The following UBE2R2 variants were observed in gnomAD, a reference collection of about 807,000 sequenced individuals.
UBE2R2 encodes the protein ubiquitin conjugating enzyme E2 R2.
Under a neutral mutation model 27.8 loss-of-function variants are expected in UBE2R2, and 1 was observed. The ratio of observed to expected loss-of-function variants is 0.04; its 90% CI spans 0.01 to 0.17. The LOEUF (loss-of-function observed/expected upper bound fraction) is 0.17. Among genes scored for constraint, UBE2R2 ranks in the 10% least tolerant of loss-of-function variants. The probability of loss-of-function intolerance (pLI) is 1.00; values close to 1 mark genes in which losing one functional copy is unlikely to be tolerated. For synonymous variants in UBE2R2, 106 were observed against 113.3 expected (o/e 0.94, Z 0.41); for missense variants, 100 against 291.0 (o/e 0.34, Z 4.78).
chr9:33,873,348 A>G (rs1347747848), intron 1 of UBE2R2, among the ~76,000 whole-genome samples: 2 of 152,128 alleles, frequency 1.3e-5, no homozygotes, highest in African/African-American at 2.4e-5. Flanking sequence ...TTAGGGCTGG[A>G]CAGCCAACTG....
In UBE2R2 at chr9:33,817,566, G is replaced by A; in HGVS notation, c.-192G>A. The A allele has an allele frequency of 2.2e-6, 1 of 447,026 alleles. No individual in the cohort carries two copies. 27.7% of individuals were successfully genotyped at this position (447,026 alleles called of 1,614,324 possible). ...AGGAGAAGGGCCCGGCCCGGCCTGC[G>A]TCGTGTGTGAGGAGGACCCCGGGCG... On this transcript the variant is annotated 5_prime_UTR_variant, in exon 1 of 5. Coordinates refer to ENST00000263228, the MANE Select transcript of UBE2R2 (RefSeq NM_017811.4).
At chr9:33,883,511 C>T (rs570764089) in intron 1 of UBE2R2, among the ~76,000 whole-genome samples, 1 of 151,314 alleles carries the variant, frequency 6.6e-6, no homozygotes, top group South Asian at 2.1e-4. Flanking sequence ...GTCAAGAGAT[C>T]AACGCCATCC....
intron 1 of UBE2R2, among the ~76,000 whole-genome samples, chr9:33,857,948 T>G (rs1240513872): frequency 1.3e-5 from 2 of 152,236 alleles, no homozygotes. Context: ...GAATATGTTC[T>G]TTCATTTATT....
chr9:33,833,001 CAG>C (rs1820528153), intron 1 of UBE2R2, among the ~76,000 whole-genome samples: 2 of 151,824 alleles, frequency 1.3e-5, no homozygotes, highest in South Asian at 2.1e-4. Flanking sequence ...TCTGAGGACT[CAG>C]AGTTATTATT....
At chr9:33,826,465 G>A (rs745779672) in intron 1 of UBE2R2, among the ~76,000 whole-genome samples, 20 of 152,006 alleles carry the variant, frequency 1.3e-4, no homozygotes, top group African/African-American at 4.6e-4. Flanking sequence ...TTGGGAGGCC[G>A]AGGCAGGCGG....
intron 3 of UBE2R2, among the ~76,000 whole-genome samples, chr9:33,902,805 A>C (rs1402833757): frequency 1.3e-5 from 2 of 152,218 alleles, no homozygotes; most frequent in Non-Finnish European, 2.9e-5. Context: ...AGTATTAAAA[A>C]TTCTGAGTTG....
chr9:33,880,125 A>G (rs891754637), intron 1 of UBE2R2, among the ~76,000 whole-genome samples: 1 of 151,930 alleles, frequency 6.6e-6, no homozygotes, highest in Non-Finnish European at 1.5e-5. Flanking sequence ...CGCTCAAGGA[A>G]TCCACCCGCC....
chr9:33,868,825 CA>C (rs1462316472), intron 1 of UBE2R2, among the ~76,000 whole-genome samples: 5 of 152,146 alleles, frequency 3.3e-5, no homozygotes, highest in Admixed American at 3.3e-4. Flanking sequence ...GGCACAAATC[CA>C]AATACAACAG....
At chr9:33,857,065 T>C (rs922436968) in intron 1 of UBE2R2, among the ~76,000 whole-genome samples, 6 of 151,396 alleles carry the variant, frequency 4.0e-5, no homozygotes, top group Non-Finnish European at 1.5e-5. Flanking sequence ...CCAGGCTAAT[T>C]TTTGTATTGT....
intron 1 of UBE2R2, among the ~76,000 whole-genome samples, chr9:33,857,240 C>G (rs1198929327): frequency 6.6e-6 from 1 of 151,060 alleles, no homozygotes; most frequent in Non-Finnish European, 1.5e-5. Flanking sequence ...CTTACTGTCA[C>G]TTTAGTAGGG....
intron 1 of UBE2R2, among the ~76,000 whole-genome samples, chr9:33,859,524 C>A (rs1821176709): frequency 6.6e-6 from 1 of 152,088 alleles, no homozygotes; most frequent in African/African-American, 2.4e-5. Flanking sequence ...CTGGGATGGA[C>A]TCTGAGATAC....
At chr9:33,850,968 A>G (rs1563988061) in intron 1 of UBE2R2, among the ~76,000 whole-genome samples, 2 of 152,236 alleles carry the variant, frequency 1.3e-5, no homozygotes, top group Non-Finnish European at 2.9e-5. Context: ...TTATTGTTCT[A>G]GAGTTCAGTT....
At chr9:33,837,517 C>T (rs181933012) in intron 1 of UBE2R2, among the ~76,000 whole-genome samples, 43 of 151,860 alleles carry the variant, frequency 2.8e-4, no homozygotes, top group African/African-American at 9.7e-4. Context: ...CCTCTGCCTC[C>T]TGGGCTCAAG....
At chr9:33,880,923 C>T (rs2130790362) in intron 1 of UBE2R2, among the ~76,000 whole-genome samples, 1 of 152,284 alleles carries the variant, frequency 6.6e-6, no homozygotes, top group South Asian at 2.1e-4. Flanking sequence ...ACTCCTCCGC[C>T]CTCTTGTCCA....
At position 33,847,727 on chromosome 9, in the gene UBE2R2, C is replaced by T. The variant is rs373255506; in HGVS notation, c.177+29793C>T. On this transcript the variant is annotated intron_variant, in intron 1 of 4. Coordinates refer to ENST00000263228, the MANE Select transcript of UBE2R2 (RefSeq NM_017811.4). The stretch of plus-strand genomic sequence containing the variant: ...CTTTTTGCCCTTGTTTTCTGTGCTT[C>T]AGTTTGGATTTGACCTGAAATTTTT... 1.1e-4 allele frequency among the ~76,000 whole-genome samples: 16 copies of T among 148,682 alleles called. No homozygotes were observed. In the East Asian group the frequency reaches 1.4e-3, roughly 13 times the overall value.
intron 2 of UBE2R2, among the ~76,000 whole-genome samples, chr9:33,895,120 T>C (rs572576232): frequency 6.6e-6 from 1 of 152,380 alleles, no homozygotes; most frequent in East Asian, 1.9e-4. Context: ...TTCTATAGGT[T>C]GCCTTTTCAC....
chr9:33,914,687 G>T (rs953846095), intron 4 of UBE2R2, among the ~76,000 whole-genome samples: 4 of 152,080 alleles, frequency 2.6e-5, no homozygotes, highest in Admixed American at 2.6e-4. Flanking sequence ...AGTTAGTTGG[G>T]CATAGTGGCA....
chr9:33,891,202 C>T (rs958249521), intron 2 of UBE2R2, among the ~76,000 whole-genome samples: 12 of 151,298 alleles, frequency 7.9e-5, no homozygotes, highest in African/African-American at 2.4e-4. Flanking sequence ...GGTGCCTGCC[C>T]GGCTAATTTT....
intron 1 of UBE2R2, among the ~76,000 whole-genome samples, chr9:33,856,881 CCTTT>C (rs1009777275): frequency 2.8e-5 from 4 of 140,988 alleles, no homozygotes; most frequent in Non-Finnish European, 6.0e-5. Context: ...TTCCTTCCTT[CCTTT>C]CACTTTTTTT....
Sources: allele counts gnomAD v4.1 joint callset (sites outside exome capture counted in the v4.1 genomes callset), GRCh38; gene constraint gnomAD v4.1.1; transcripts MANE v1.5; gene names NCBI Gene and HGNC (gene_info 2026-07-23, HGNC 2026-07-21).